CDH18: variants seen among roughly 807,000 people sequenced by gnomAD.
CDH18 encodes cadherin 18.
In CDH18, 31 loss-of-function variants were observed where a neutral mutation model predicts 67.9. That is an observed-to-expected ratio of 0.46 (90% CI 0.34 to 0.62). CDH18 has a LOEUF of 0.62. CDH18 is among the 20% of genes least tolerant of loss of function. The probability of loss-of-function intolerance (pLI) is 0.01; values close to 1 mark genes in which losing one functional copy is unlikely to be tolerated. For synonymous variants in CDH18, 362 were observed against 347.2 expected (o/e 1.04, Z -0.48); for missense variants, 890 against 975.5 (o/e 0.91, Z 1.17).
At chr5:20,126,978 G>C (rs1465440206) in intron 2 of CDH18, among the ~76,000 whole-genome samples, 1 of 152,042 alleles carries the variant, frequency 6.6e-6, no homozygotes, top group Non-Finnish European at 1.5e-5. Context: ...ATCGAAATCA[G>C]GATCTCAAAG....
At chr5:20,007,094 A>C (rs1736960352) in intron 2 of CDH18, among the ~76,000 whole-genome samples, 1 of 151,976 alleles carries the variant, frequency 6.6e-6, no homozygotes, top group Admixed American at 6.6e-5. Context: ...AGTCATACTA[A>C]AGTAAATAAT....
At chr5:20,430,604 G>T (rs2150174583) in intron 1 of CDH18, among the ~76,000 whole-genome samples, 1 of 152,224 alleles carries the variant, frequency 6.6e-6, no homozygotes, top group Non-Finnish European at 1.5e-5. Flanking sequence ...TTGTGAAGAA[G>T]CAAAGTGGTA....
intron 3 of CDH18, among the ~76,000 whole-genome samples, chr5:19,761,466 T>G (rs1349909712): frequency 6.6e-6 from 1 of 152,074 alleles, no homozygotes; most frequent in Non-Finnish European, 1.5e-5. Flanking sequence ...CTCTAAAGAG[T>G]TTCTGCAAAG....
intron 2 of CDH18, among the ~76,000 whole-genome samples, chr5:19,950,808 T>C (rs1303111155): frequency 6.6e-6 from 1 of 152,150 alleles, no homozygotes; most frequent in African/African-American, 2.4e-5. Context: ...TATTAATGGA[T>C]AGAAATGAAA....
chr5:19,654,874 C>T (rs900177493), intron 5 of CDH18, among the ~76,000 whole-genome samples: 15 of 152,126 alleles, frequency 9.9e-5, no homozygotes, highest in South Asian at 2.1e-4. Flanking sequence ...ATTCTCCCCT[C>T]CAACCATCCC....
intron 1 of CDH18, among the ~76,000 whole-genome samples, chr5:20,410,607 C>T (rs1308484390): frequency 1.3e-5 from 2 of 151,362 alleles, no homozygotes; most frequent in Admixed American, 1.3e-4. Flanking sequence ...GAAGGATGTC[C>T]ATTCTTGGCA....
intron 1 of CDH18, among the ~76,000 whole-genome samples, chr5:20,413,887 C>A (rs965883298): frequency 2.6e-5 from 4 of 152,102 alleles, no homozygotes; most frequent in African/African-American, 9.7e-5. Context: ...AGTCCTTGCC[C>A]ATGCCTGTAA....
At chr5:20,493,358 A>T (rs1267010837) in intron 1 of CDH18, among the ~76,000 whole-genome samples, 30 of 21,328 alleles carry the variant, frequency 1.4e-3, no homozygotes, top group South Asian at 5.0e-3. Context: ...CAGAAAATTA[A>T]AAAAAAAAAA....
intron 2 of CDH18, among the ~76,000 whole-genome samples, chr5:19,888,571 T>G (rs973444405): frequency 1.3e-5 from 2 of 152,212 alleles, no homozygotes; most frequent in Non-Finnish European, 2.9e-5. Flanking sequence ...GGGGCTGGTC[T>G]ATAGAAATAA....
At chr5:20,018,763 A>G (rs1419205341) in intron 2 of CDH18, among the ~76,000 whole-genome samples, 3 of 152,118 alleles carry the variant, frequency 2.0e-5, no homozygotes, top group African/African-American at 7.2e-5. Flanking sequence ...CTTTAAATAC[A>G]AAACCCTTAA....
chr5:19,628,924 G>GA (rs773519371), intron 5 of CDH18, among the ~76,000 whole-genome samples: 1,525 of 141,740 alleles, frequency 0.011, 11 homozygotes, highest in South Asian at 0.034. Context: ...CATTCAGAAA[G>GA]AAAAAAAAAA....
chr5:20,305,743 G>A (rs1217442797), intron 1 of CDH18: 21 of 338,340 alleles, frequency 6.2e-5, no homozygotes, highest in Non-Finnish European at 9.9e-5. Context: ...TGGGAACCGC[G>A]CCGAACACGC....
At chr5:20,460,459 G>A (rs1159323722) in intron 1 of CDH18, among the ~76,000 whole-genome samples, 1 of 151,924 alleles carries the variant, frequency 6.6e-6, no homozygotes, top group Non-Finnish European at 1.5e-5. Flanking sequence ...TTGCGTGACT[G>A]AGGCATCTTA....
At chr5:19,798,944 A>G (rs979625874) in intron 3 of CDH18, among the ~76,000 whole-genome samples, 1 of 152,106 alleles carries the variant, frequency 6.6e-6, no homozygotes, top group Admixed American at 6.6e-5. Context: ...TAAAGGCTAA[A>G]CAATACATTA....
intron 1 of CDH18, among the ~76,000 whole-genome samples, chr5:20,352,107 C>T (rs1327639701): frequency 6.6e-6 from 1 of 152,112 alleles, no homozygotes; most frequent in Non-Finnish European, 1.5e-5. Flanking sequence ...ACACACTTGA[C>T]CCTTGAACAG....
intron 1 of CDH18, among the ~76,000 whole-genome samples, chr5:20,337,167 G>A (rs1261072843): frequency 1.3e-5 from 2 of 152,134 alleles, no homozygotes; most frequent in African/African-American, 2.4e-5. Context: ...TGGTGTCTGT[G>A]TGGCACAGAG....
At chr5:20,507,520 G>A (rs1350550126) in intron 1 of CDH18, among the ~76,000 whole-genome samples, 5 of 152,094 alleles carry the variant, frequency 3.3e-5, no homozygotes, top group African/African-American at 1.2e-4. Flanking sequence ...ACACATTTAG[G>A]TTTGGAGATT....
At chr5:20,305,174 T>C (rs761250221) in intron 1 of CDH18, 7 of 1,430,002 alleles carry the variant, frequency 4.9e-6, no homozygotes, top group Non-Finnish European at 6.9e-6. Flanking sequence ...GCGCTGGTTA[T>C]GTTGTTTCCA....
At chr5:20,454,164 A>G (rs898391273) in intron 1 of CDH18, among the ~76,000 whole-genome samples, 3 of 152,118 alleles carry the variant, frequency 2.0e-5, no homozygotes, top group African/African-American at 7.2e-5. Context: ...TAGCTTCTAT[A>G]TTTAACTAGT....
Sources: allele counts gnomAD v4.1 joint callset (sites outside exome capture counted in the v4.1 genomes callset), GRCh38; gene constraint gnomAD v4.1.1; transcripts MANE v1.5; gene names NCBI Gene and HGNC (gene_info 2026-07-23, HGNC 2026-07-21).